HACD4: variants seen among roughly 807,000 people sequenced by gnomAD.
HACD4 encodes 3-hydroxyacyl-CoA dehydratase 4, also known as very-long-chain (3R)-3-hydroxyacyl-CoA dehydratase 4.
In HACD4, 35 loss-of-function variants were observed where a neutral mutation model predicts 33.3. The ratio of observed to expected loss-of-function variants is 1.05; its 90% CI spans 0.80 to 1.39. The LOEUF is 1.39. Among genes scored for constraint, HACD4 ranks in the 40% most tolerant of loss-of-function variants. The probability of loss-of-function intolerance (pLI) is 0.00; values close to 1 mark genes in which losing one functional copy is unlikely to be tolerated. For synonymous variants in HACD4, 118 were observed against 98.0 expected, an observed-to-expected ratio of 1.20 and a Z score of -1.21; for missense variants, 323 against 276.5, an observed-to-expected ratio of 1.17 and a Z score of -1.19.
Position 21,005,764 on chromosome 9 carries a change from T to A in HACD4, c.*1273A>T. The A allele has an allele frequency of 6.6e-6, 1 of 152,116 alleles. No homozygotes were observed. The highest frequency in any genetic ancestry group is 1.9e-4 in the East Asian group (1 of 5,182). The allele number at this position is 152,116 out of a possible 1,614,324, so 9.4% of individuals were successfully genotyped here. Reference sequence around the variant, plus strand: ...GCCTCACTGGGTCCTGAAGCCAGAGTATCAGGCCAAAGAGGATTATTACTA... The same window carrying A: ...GCCTCACTGGGTCCTGAAGCCAGAGAATCAGGCCAAAGAGGATTATTACTA... On this transcript the variant is annotated 3_prime_UTR_variant, in exon 7 of 7. Transcript: ENST00000495827. This position sits in a 1 kb window ranked among gnomAD's most constrained non-coding sequence, Gnocchi z 4.0.
At position 21,015,926 on chromosome 9, in the gene HACD4, C is replaced by T. The variant is rs199898797; in HGVS notation, c.355G>A (p.Val119Ile). The T allele has an allele frequency of 2.9e-3, 4,738 of 1,612,032 alleles. 8 individuals are homozygous for T. The highest frequency in any genetic ancestry group is 3.5e-3 in the Non-Finnish European group (4,178 of 1,178,366). Residue 119 changes from valine to isoleucine, a missense_variant, in exon 4 of 7, where the codon GTC becomes ATC. Transcript: ENST00000495827. Reference sequence around the variant, plus strand: ...ACCATATCCAATAGATTCCAAAAGACGAATAAAACACACACCACATATTTC... The same window carrying T: ...ACCATATCCAATAGATTCCAAAAGATGAATAAAACACACACCACATATTTC... ...QEKYVVCVLFVFWNLLDMVRY... is the reference protein window; with the variant it reads ...QEKYVVCVLFIFWNLLDMVRY...
chr9:21,029,125 C>A (rs1354382188), intron 2 of HACD4, among the ~76,000 whole-genome samples, 170 bp downstream of exon 2: 1 of 152,126 alleles, frequency 6.6e-6, no homozygotes, highest in Non-Finnish European at 1.5e-5. Flanking sequence ...CTTACTTATC[C>A]CACCTTCCCC....
At chr9:21,027,878 T>C (rs1467171513) in intron 2 of HACD4, among the ~76,000 whole-genome samples, 4 of 152,148 alleles carry the variant, frequency 2.6e-5, no homozygotes, top group African/African-American at 7.2e-5. Flanking sequence ...CTCACGCCTG[T>C]AATCCCAGCA....
Position 21,026,539 on chromosome 9 carries a change from A to T in HACD4, c.270+57T>A, listed in dbSNP as rs1818064287. The T allele has an allele frequency of 2.1e-6, 3 of 1,441,564 alleles. No individual in the cohort carries two copies. The East Asian group carries it at 7.0e-5, about 34-fold the overall frequency. The allele number at this position is 1,441,564 out of a possible 1,614,324, so 89.3% of individuals were successfully genotyped here. Reference sequence around the variant, plus strand: ...TGCCATAAAGTCAAGAGAAGCTTTAAAGAGAAAAAATGTAAAAATGAAACA... The same window carrying T: ...TGCCATAAAGTCAAGAGAAGCTTTATAGAGAAAAAATGTAAAAATGAAACA... On this transcript the variant is annotated intron_variant, in intron 3 of 6. Transcript: ENST00000495827.
Position 21,006,847 on chromosome 9 carries a change from T to C in HACD4, c.*190A>G, listed in dbSNP as rs1233040761. The C allele has an allele frequency of 3.4e-6, 2 of 587,114 alleles. No homozygotes were observed. Among genetic ancestry groups the C allele is most frequent in the East Asian group, 3.1e-5 (1 of 32,676 alleles). 36.4% of individuals were successfully genotyped at this position (587,114 alleles called of 1,614,324 possible). On this transcript the variant is annotated 3_prime_UTR_variant, in exon 7 of 7. Coordinates refer to ENST00000495827, the MANE Select transcript of HACD4 (RefSeq NM_001010915.5). The surrounding 1 kb of genome is among the most constrained non-coding windows in gnomAD (Gnocchi z 4.6). Reference sequence around the variant, plus strand: ...TGAAGCAGGGTATGGAGAATATATATGTCTTAAAAATACAATGTGTGAAAA... The same window carrying C: ...TGAAGCAGGGTATGGAGAATATATACGTCTTAAAAATACAATGTGTGAAAA...
At chr9:21,010,259 G>T (rs1278765484) in intron 5 of HACD4, among the ~76,000 whole-genome samples, 1 of 152,134 alleles carries the variant, frequency 6.6e-6, no homozygotes, top group Non-Finnish European at 1.5e-5. Context: ...CATTGCAGAA[G>T]AAAGCATATA....
Position 21,000,488 on chromosome 9 carries a change from T to C in HACD4, c.*6549A>G, listed in dbSNP as rs1842151031. 6.6e-6 allele frequency: 1 copy of C among 152,132 alleles called. No individual in the cohort carries two copies. Among genetic ancestry groups the C allele is most frequent in the Admixed American group, 6.6e-5 (1 of 15,254 alleles). The allele number at this position is 152,132 out of a possible 1,614,324, so 9.4% of individuals were successfully genotyped here. On this transcript the variant is annotated 3_prime_UTR_variant, in exon 7 of 7. Transcript: ENST00000495827. ...ATCAAAAGGTAGGATCCTGAGCTTA[T>C]TCCCAGAGCTTCTGATTCAACTATC...
At position 21,031,613 on chromosome 9, in the gene HACD4, C is replaced by A; in HGVS notation, c.-23G>T. 1.4e-6 allele frequency: 2 copies of A among 1,412,770 alleles called. No individual in the cohort carries two copies. The highest frequency in any genetic ancestry group is 3.0e-5 in the South Asian group (2 of 67,000). The allele number at this position is 1,412,770 out of a possible 1,614,324, so 87.5% of individuals were successfully genotyped here. A position where few individuals can be genotyped will look rare whatever the true frequency, so the allele number is the denominator to read the frequency against. ...CATGGGCCGCCGCCGCCAGGGCTTCCAGCGCGGTCCAGGAAGGAGTACCGG... is the reference window on the plus strand; with the variant it reads ...CATGGGCCGCCGCCGCCAGGGCTTCAAGCGCGGTCCAGGAAGGAGTACCGG... On this transcript the variant is annotated 5_prime_UTR_variant, in exon 1 of 7. Transcript: ENST00000495827.
At chr9:21,025,380 C>G (rs1439637734) in intron 3 of HACD4, among the ~76,000 whole-genome samples, 2 of 147,160 alleles carry the variant, frequency 1.4e-5, no homozygotes, top group Admixed American at 1.4e-4. Flanking sequence ...ACCACTCTTT[C>G]ATTTAACAAA....
At chr9:21,026,769 G>T (rs559433954) in intron 2 of HACD4, 46 bp from the exon 3 acceptor site, 4 of 1,526,964 alleles carry the variant, frequency 2.6e-6, no homozygotes, top group East Asian at 4.5e-5. Context: ...GAAAAAACTG[G>T]ATTATAACCC....
chr9:21,008,072 A>G lies in HACD4; in HGVS notation c.565T>C (p.Ser189Pro), dbSNP rs376819044. The G allele has an allele frequency of 6.2e-7, 1 of 1,612,084 alleles. No homozygotes were observed. The highest frequency in any genetic ancestry group is 1.1e-5 in the South Asian group (1 of 90,724). The change falls in exon 6 of 7, where the codon TCC becomes CCC. Residue 189 changes from serine to proline, a missense_variant. Coordinates refer to ENST00000495827, the MANE Select transcript of HACD4 (RefSeq NM_001010915.5). ...TYSTKLPFDL[S>P]IYFPYVLKIY... ...TTCAGCACATATGGGAAATAGATGGATAAGTCAAAGGGCAGCTTGGTGGAA... is the reference window on the plus strand; with the variant it reads ...TTCAGCACATATGGGAAATAGATGGGTAAGTCAAAGGGCAGCTTGGTGGAA...
intron 5 of HACD4, among the ~76,000 whole-genome samples, chr9:21,010,456 A>ATTC (rs1353043927): frequency 9.5e-6 from 1 of 105,004 alleles, no homozygotes; most frequent in African/African-American, 4.4e-5. Flanking sequence ...ACATCCTGGT[A>ATTC]CCCCCCCCCC....
At chr9:21,013,141 A>G (rs1435169813) in intron 4 of HACD4, among the ~76,000 whole-genome samples, 1 of 150,882 alleles carries the variant, frequency 6.6e-6, no homozygotes, top group African/African-American at 2.4e-5. Flanking sequence ...TGTGTACCTT[A>G]TAACACAGCC....
intron 5 of HACD4, among the ~76,000 whole-genome samples, chr9:21,008,965 G>A (rs577653395): frequency 6.6e-6 from 1 of 152,238 alleles, no homozygotes; most frequent in South Asian, 2.1e-4. Flanking sequence ...TTAGAGCCAA[G>A]CAGAGGTATG....
chr9:21,011,087 T>C (rs1842415434), intron 5 of HACD4, among the ~76,000 whole-genome samples: 1 of 152,114 alleles, frequency 6.6e-6, no homozygotes, highest in Non-Finnish European at 1.5e-5. Flanking sequence ...AAAAGATTCA[T>C]GATACTGTAC....
At chr9:21,011,415 C>T (rs1021005730) in intron 5 of HACD4, among the ~76,000 whole-genome samples, 174 bp downstream of exon 5, 1 of 152,192 alleles carries the variant, frequency 6.6e-6, no homozygotes, top group African/African-American at 2.4e-5. Flanking sequence ...CTGTGCAGAG[C>T]TGCTTCCCTC....
In HACD4 at chr9:20,999,607, GA is replaced by G. The variant is rs1275579571; in HGVS notation, c.*7429del. 3.4e-5 allele frequency: 3 copies of G among 88,408 alleles called. No homozygotes were observed. The highest frequency in any genetic ancestry group is 6.9e-5 in the Non-Finnish European group (3 of 43,742). 5.5% of individuals were successfully genotyped at this position (88,408 alleles called of 1,614,324 possible). A position where few individuals can be genotyped will look rare whatever the true frequency, so the allele number is the denominator to read the frequency against. ...GTTAAGATACTTATATAAGTTGAAA[GA>G]AAAAAACAAAACTTATGTGTCTTCT... On this transcript the variant is annotated 3_prime_UTR_variant, in exon 7 of 7. Transcript: ENST00000495827.
chr9:21,030,797 T>G (rs1197672190), intron 1 of HACD4, among the ~76,000 whole-genome samples: 1 of 152,158 alleles, frequency 6.6e-6, no homozygotes, highest in Non-Finnish European at 1.5e-5. Context: ...TTTAACAATG[T>G]GTTGTGAGTT....
At position 21,000,029 on chromosome 9, in the gene HACD4, G is replaced by A. The variant is rs1051811992; in HGVS notation, c.*7008C>T. The A allele has an allele frequency of 6.6e-6, 1 of 152,114 alleles. No homozygotes were observed. The highest frequency in any genetic ancestry group is 1.5e-5 in the Non-Finnish European group (1 of 68,004). 9.4% of individuals were successfully genotyped at this position (152,114 alleles called of 1,614,324 possible). A position where few individuals can be genotyped will look rare whatever the true frequency, so the allele number is the denominator to read the frequency against. Reference sequence around the variant, plus strand: ...AGTCATTCAGTTAGTAAATAATGGAGCTTGATCTCAAATCAAACCTAGTGC... The same window carrying A: ...AGTCATTCAGTTAGTAAATAATGGAACTTGATCTCAAATCAAACCTAGTGC... On this transcript the variant is annotated 3_prime_UTR_variant, in exon 7 of 7. Transcript: ENST00000495827.
Sources: allele counts gnomAD v4.1 joint callset (sites outside exome capture counted in the v4.1 genomes callset), GRCh38; gene constraint gnomAD v4.1.1; non-coding constraint Gnocchi (gnomAD v3.1); transcripts MANE v1.5; gene names NCBI Gene and HGNC (gene_info 2026-07-23, HGNC 2026-07-21).